Variants in TPRG1 observed in about 807,000 individuals in gnomAD.
The protein encoded by TPRG1 is tumor protein p63 regulated 1.
Under a neutral mutation model 29.3 loss-of-function variants are expected in TPRG1, and 29 were observed. The ratio of observed to expected loss-of-function variants is 0.99; its 90% confidence interval spans 0.74 to 1.35. TPRG1 has a LOEUF of 1.35. Ranked by LOEUF, TPRG1 falls within the 40% of genes most tolerant of loss-of-function variation. TPRG1 has a pLI of 0.00. For synonymous variants in TPRG1, 130 were observed against 116.8 expected (o/e 1.11, Z -0.73); for missense variants, 327 against 335.0 (o/e 0.98, Z 0.19).
chr3:189,068,462 T>C (rs1171048272), intron 4 of TPRG1, among the ~76,000 whole-genome samples: 1 of 152,086 alleles, frequency 6.6e-6, no homozygotes, highest in Non-Finnish European at 1.5e-5. Flanking sequence ...CACAACAGAG[T>C]ACTAGTCAGC....
intron 4 of TPRG1, among the ~76,000 whole-genome samples, chr3:189,275,737 C>A (rs748768609): frequency 6.6e-6 from 1 of 151,862 alleles, no homozygotes; most frequent in Non-Finnish European, 1.5e-5. Context: ...GGCAATAAAG[C>A]TACTGTTGTA....
chr3:189,059,214 A>G (rs1216143465), intron 4 of TPRG1, among the ~76,000 whole-genome samples: 2 of 152,238 alleles, frequency 1.3e-5, no homozygotes, highest in Non-Finnish European at 2.9e-5. Context: ...GACAGTAAGA[A>G]TAACTAATAT....
At chr3:189,163,852 CA>C (rs1727799848) in intron 5 of TPRG1, among the ~76,000 whole-genome samples, 1 of 152,080 alleles carries the variant, frequency 6.6e-6, no homozygotes, top group Non-Finnish European at 1.5e-5. Context: ...GCTTGTCTAG[CA>C]GGGCAGTCCC....
chr3:189,190,641 T>C (rs1731553645), intron 1 of TPRG1, among the ~76,000 whole-genome samples: 1 of 152,184 alleles, frequency 6.6e-6, no homozygotes, highest in South Asian at 2.1e-4. Flanking sequence ...AGATACTTCA[T>C]CATCTACAAA....
intron 4 of TPRG1, among the ~76,000 whole-genome samples, chr3:189,039,841 A>T (rs200893568): frequency 2.0e-5 from 3 of 148,944 alleles, no homozygotes; most frequent in Non-Finnish European, 3.0e-5. Flanking sequence ...TCTCACTCCT[A>T]TTTTTTTTTT....
At chr3:189,239,520 G>A (rs1740167362) in intron 4 of TPRG1, among the ~76,000 whole-genome samples, 2 of 152,132 alleles carry the variant, frequency 1.3e-5, no homozygotes, top group South Asian at 4.1e-4. Flanking sequence ...AGAGCTGTGG[G>A]AACATGGGGA....
intron 3 of TPRG1, among the ~76,000 whole-genome samples, chr3:189,019,227 T>C (rs1713142668): frequency 1.3e-5 from 2 of 151,858 alleles, no homozygotes; most frequent in African/African-American, 4.8e-5. Context: ...CTTTATTTCC[T>C]TCTCCTGCCT....
intron 4 of TPRG1, among the ~76,000 whole-genome samples, chr3:189,287,534 A>C (rs2109178540): frequency 6.6e-6 from 1 of 151,756 alleles, no homozygotes; most frequent in Non-Finnish European, 1.5e-5. Flanking sequence ...AGTAGCTGGG[A>C]CTACAGGCGC....
chr3:189,107,567 CTTT>C (rs2152201988), intron 1 of TPRG1, among the ~76,000 whole-genome samples: 1 of 152,032 alleles, frequency 6.6e-6, no homozygotes, highest in East Asian at 1.9e-4. Flanking sequence ...ACCCCTTAGC[CTTT>C]TTGTTTTCCT....
intron 4 of TPRG1, among the ~76,000 whole-genome samples, chr3:189,275,280 A>G (rs895654406): frequency 6.6e-6 from 1 of 152,206 alleles, no homozygotes; most frequent in African/African-American, 2.4e-5. Context: ...TCCCTGTTTT[A>G]GATGTTTTAG....
chr3:189,026,906 C>G (rs1187879786), intron 4 of TPRG1, among the ~76,000 whole-genome samples: 1 of 152,110 alleles, frequency 6.6e-6, no homozygotes, highest in Non-Finnish European at 1.5e-5. Flanking sequence ...GACTCCACAC[C>G]CAGGCTGTCA....
intron 2 of TPRG1, among the ~76,000 whole-genome samples, chr3:189,129,011 G>A (rs770396117): frequency 2.6e-5 from 4 of 152,154 alleles, no homozygotes; most frequent in Non-Finnish European, 4.4e-5. Flanking sequence ...AACAACAGCA[G>A]CAGCAACTTC....
At chr3:189,181,789 C>G (rs1227332096) in intron 1 of TPRG1, among the ~76,000 whole-genome samples, 2 of 152,172 alleles carry the variant, frequency 1.3e-5, no homozygotes, top group Admixed American at 1.3e-4. Context: ...TTCAGCAGCA[C>G]CCTACTCTAC....
chr3:189,130,388 T>C (rs564808889), intron 2 of TPRG1, among the ~76,000 whole-genome samples: 1 of 152,364 alleles, frequency 6.6e-6, no homozygotes, highest in South Asian at 2.1e-4. Context: ...TTAACTTACA[T>C]GTAGTACCTG....
intron 4 of TPRG1, among the ~76,000 whole-genome samples, chr3:189,026,908 A>G (rs1713694919): frequency 6.6e-6 from 1 of 152,222 alleles, no homozygotes; most frequent in African/African-American, 2.4e-5. Context: ...CTCCACACCC[A>G]GGCTGTCAGG....
At position 189,272,732 on chromosome 3, in the gene TPRG1, C is replaced by G. The variant is rs1027045843; in HGVS notation, c.479+33823C>G. On this transcript the variant is annotated intron_variant, in intron 4 of 5. Transcript: ENST00000345063. ...TTCTTTCTCCTTCCTTCCTTCCTTC[C>G]TTCCTTCCTTCCTTCCTTCGTTCCT... Among the ~76,000 whole-genome samples the G allele has an allele frequency of 4.9e-4, 68 of 139,774 alleles. 1 individual carries two copies. Among genetic ancestry groups the G allele is most frequent in the African/African-American group, 1.9e-3 (63 of 33,278 alleles). The allele number at this position is 139,774 out of a possible 152,430, so 91.7% of individuals were successfully genotyped here. A position where few individuals can be genotyped will look rare whatever the true frequency, so the allele number is the denominator to read the frequency against.
chr3:189,042,111 A>G (rs1249501556), intron 4 of TPRG1, among the ~76,000 whole-genome samples: 1 of 152,126 alleles, frequency 6.6e-6, no homozygotes, highest in African/African-American at 2.4e-5. Flanking sequence ...TTAGGTCCTT[A>G]AGAAGCCCTA....
At chr3:188,998,906 T>C (rs1442790524) in intron 1 of TPRG1, among the ~76,000 whole-genome samples, 1 of 152,182 alleles carries the variant, frequency 6.6e-6, no homozygotes, top group Non-Finnish European at 1.5e-5. Flanking sequence ...AGCAGCACTG[T>C]AGGGTGACTA....
intron 5 of TPRG1, among the ~76,000 whole-genome samples, chr3:189,311,897 A>G (rs1722550429): frequency 6.6e-6 from 1 of 151,636 alleles, no homozygotes; most frequent in African/African-American, 2.4e-5. Context: ...ATGAGAACAG[A>G]CTCACCCAGG....
Sources: gnomAD v4.1 joint callset for allele counts (sites outside exome capture counted in the v4.1 genomes callset) on GRCh38, gnomAD v4.1.1 for gene constraint, MANE v1.5 for transcripts, NCBI Gene and HGNC (gene_info 2026-07-23, HGNC 2026-07-21) for gene names.